Variants in SMIM10L3 observed in about 807,000 individuals in gnomAD.
The protein encoded by SMIM10L3 is salivary gland specific protein SAGSIN1.
At chr7:6,343,216 A>C in the SMIM10L3 span, among the ~76,000 whole-genome samples, 1 of 150,966 alleles carries the variant, frequency 6.6e-6, no homozygotes, top group South Asian at 2.1e-4. Flanking sequence ...GTCTCTACTA[A>C]AAATACAATA....
At chr7:6,335,827 G>A in the SMIM10L3 span, among the ~76,000 whole-genome samples, 1 of 152,008 alleles carries the variant, frequency 6.6e-6, no homozygotes, top group Non-Finnish European at 1.5e-5. Flanking sequence ...TTGAGCCCAG[G>A]GGTGTGAGAC....
At chr7:6,348,914 C>A in the SMIM10L3 span, 1 of 385,578 alleles carries the variant, frequency 2.6e-6, no homozygotes. Context: ...GCACGTCACG[C>A]TCGGAGAAGT....
the SMIM10L3 span, chr7:6,348,581 G>T: frequency 4.6e-6 from 2 of 437,188 alleles, no homozygotes; most frequent in Admixed American, 4.0e-5. Context: ...ACCTGCAGGC[G>T]GACGTTGAGC....
chr7:6,336,662 A>G, the SMIM10L3 span, among the ~76,000 whole-genome samples: 1 of 149,908 alleles, frequency 6.7e-6, no homozygotes, highest in Non-Finnish European at 1.5e-5. Flanking sequence ...CCAGCCTGAG[A>G]GAGCGAGCAA....
At chr7:6,333,870 G>C in the SMIM10L3 span, among the ~76,000 whole-genome samples, 1 of 128,606 alleles carries the variant, frequency 7.8e-6, no homozygotes, top group South Asian at 2.6e-4. Flanking sequence ...TTGAGACAGA[G>C]TCTTGCTCTT....
the SMIM10L3 span, among the ~76,000 whole-genome samples, chr7:6,341,222 A>G: frequency 6.6e-6 from 1 of 151,356 alleles, no homozygotes; most frequent in Non-Finnish European, 1.5e-5. Context: ...AGGAGGGTAG[A>G]TCAGGAGGTC....
At chr7:6,338,427 G>A in the SMIM10L3 span, among the ~76,000 whole-genome samples, 2 of 152,122 alleles carry the variant, frequency 1.3e-5, no homozygotes, top group East Asian at 3.8e-4. Context: ...CCAAAGCTGA[G>A]ACCACCAGAA....
chr7:6,331,696 G>A, the SMIM10L3 span, among the ~76,000 whole-genome samples: 21 of 150,292 alleles, frequency 1.4e-4, 1 homozygote, highest in African/African-American at 5.1e-4. Context: ...AGAACATTTC[G>A]TGGGCTTAGT....
the SMIM10L3 span, among the ~76,000 whole-genome samples, chr7:6,341,717 G>A: frequency 8.6e-5 from 13 of 150,942 alleles, no homozygotes; most frequent in African/African-American, 2.7e-4. Flanking sequence ...ATGAGTGCGC[G>A]CCAGGTGCAG....
At chr7:6,330,067 T>G in the SMIM10L3 span, 1 of 330,346 alleles carries the variant, frequency 3.0e-6, no homozygotes, top group Non-Finnish European at 5.8e-6. Flanking sequence ...TTAGAATGGA[T>G]GTTGAAGACA....
chr7:6,330,510 A>C, the SMIM10L3 span: 1 of 1,614,174 alleles, frequency 6.2e-7, no homozygotes, highest in Non-Finnish European at 8.5e-7. Flanking sequence ...TGGGCTTTAA[A>C]CGGTCAAGGA....
At chr7:6,335,759 G>C in the SMIM10L3 span, among the ~76,000 whole-genome samples, 13 of 152,094 alleles carry the variant, frequency 8.5e-5, no homozygotes, top group African/African-American at 3.1e-4. Flanking sequence ...ACCAGGCCAG[G>C]TGCAGTGGCT....
At chr7:6,335,727 T>A in the SMIM10L3 span, among the ~76,000 whole-genome samples, 1 of 152,142 alleles carries the variant, frequency 6.6e-6, no homozygotes. Flanking sequence ...TTATTCTATA[T>A]AATTCACTAA....
chr7:6,346,836 G>A, the SMIM10L3 span, among the ~76,000 whole-genome samples: 1 of 152,182 alleles, frequency 6.6e-6, no homozygotes. Context: ...CACCTGCAGT[G>A]TGGTGGTTCT....
chr7:6,344,750 AT>A, the SMIM10L3 span, among the ~76,000 whole-genome samples: 7 of 150,880 alleles, frequency 4.6e-5, no homozygotes, highest in African/African-American at 1.7e-4. Context: ...TTTTATTATT[AT>A]TTTTTTGGAG....
At chr7:6,334,292 T>G in the SMIM10L3 span, among the ~76,000 whole-genome samples, 1 of 150,860 alleles carries the variant, frequency 6.6e-6, no homozygotes, top group Non-Finnish European at 1.5e-5. Context: ...TCCCAGCACT[T>G]GGGGAGGCCT....
the SMIM10L3 span, among the ~76,000 whole-genome samples, chr7:6,337,103 T>TGG: frequency 6.7e-6 from 1 of 150,304 alleles, no homozygotes; most frequent in African/African-American, 2.4e-5. Flanking sequence ...AGAGTCTCTC[T>TGG]CTGTCTCGCC....
At chr7:6,346,894 C>T in the SMIM10L3 span, among the ~76,000 whole-genome samples, 2 of 152,256 alleles carry the variant, frequency 1.3e-5, no homozygotes, top group Non-Finnish European at 1.5e-5. Flanking sequence ...ACCCAAGGAC[C>T]GTCCAACTGT....
At chr7:6,345,183 T>C in the SMIM10L3 span, among the ~76,000 whole-genome samples, 1 of 151,892 alleles carries the variant, frequency 6.6e-6, no homozygotes, top group African/African-American at 2.4e-5. Context: ...AGCATCATGA[T>C]CACGGCTCAC....
Sources: allele counts gnomAD v4.1 joint callset (sites outside exome capture counted in the v4.1 genomes callset), GRCh38; gene constraint gnomAD v4.1.1; transcripts MANE v1.5; gene names NCBI Gene and HGNC (gene_info 2026-07-23, HGNC 2026-07-21).